The following INTS1 variants were observed in gnomAD, a reference collection of about 807,000 sequenced individuals.
INTS1 encodes integrator complex subunit 1.
Under a neutral mutation model 241.6 loss-of-function variants are expected in INTS1, and 137 were observed. The observed-to-expected ratio is 0.57, with a 90% confidence interval of 0.49 to 0.65. The LOEUF (loss-of-function observed/expected upper bound fraction) is 0.65, where lower values mean the gene tolerates loss of function less well. Among genes scored for constraint, INTS1 ranks in the 30% least tolerant of loss-of-function variants. The probability of loss-of-function intolerance (pLI) is 0.00; values close to 1 mark genes in which losing one functional copy is unlikely to be tolerated. For synonymous variants in INTS1, 1,692 were observed against 1,337.8 expected, an observed-to-expected ratio of 1.26 and a Z score of -5.78; for missense variants, 3,073 against 3,032.2, an observed-to-expected ratio of 1.01 and a Z score of -0.32.
chr7:1,496,837 C>T (rs1339970317), intron 11 of INTS1, among the ~76,000 whole-genome samples: 2 of 152,182 alleles, frequency 1.3e-5, no homozygotes, highest in Non-Finnish European at 2.9e-5. Flanking sequence ...CCAGGCAGCC[C>T]GCAGCCCCAC....
At position 1,486,880 on chromosome 7, in the gene INTS1, CGGGGTGAGAGGCGGGGGGGCTGA is replaced by C; in HGVS notation, c.2826+19_2826+41del. On this transcript the variant is annotated intron_variant, in intron 21 of 47. Coordinates refer to ENST00000404767, the MANE Select transcript of INTS1 (RefSeq NM_001080453.3). ...GGCATGGGTTGCCCTGACAGGGGTGCGGGGTGAGAGGCGGGGGGGCTGAGGGGTGGGCGGCCCTGACCTGCCGC... is the reference window on the plus strand; with the variant it reads ...GGCATGGGTTGCCCTGACAGGGGTGCGGGGTGGGCGGCCCTGACCTGCCGC... The C allele has an allele frequency of 1.0e-6, 1 of 964,230 alleles. No individual in the cohort carries two copies. The highest frequency in any genetic ancestry group is 1.4e-5 in the South Asian group (1 of 71,306). 59.7% of individuals were successfully genotyped at this position (964,230 alleles called of 1,614,324 possible).
intron 46 of INTS1, 83 bp downstream of exon 46, chr7:1,471,050 C>G (rs1781441986): frequency 6.6e-7 from 1 of 1,515,404 alleles, no homozygotes; most frequent in East Asian, 2.5e-5. Flanking sequence ...GAAGCCTGGT[C>G]TGGCCACCAG....
rs1782000954 is a variant in INTS1 at position 1,481,596 on chromosome 7, G to A, written c.3704-108C>T. The A allele has an allele frequency of 8.6e-7, 1 of 1,159,588 alleles. No individual in the cohort carries two copies. The highest frequency in any genetic ancestry group is 1.6e-5 in the African/African-American group (1 of 60,752). 71.8% of individuals were successfully genotyped at this position (1,159,588 alleles called of 1,614,324 possible). On this transcript the variant is annotated intron_variant, in intron 27 of 47. Transcript: ENST00000404767. The surrounding 1 kb of genome is among the most constrained non-coding windows in gnomAD (Gnocchi z 6.8). ...GTGTGCAGTGACCCCACCCACCTGA[G>A]ACCCTGGGCCACGTGGGCTCGGTGA...
At chr7:1,496,635 C>T (rs935160984) in intron 11 of INTS1, among the ~76,000 whole-genome samples, 1 of 152,132 alleles carries the variant, frequency 6.6e-6, no homozygotes, top group South Asian at 2.1e-4. Context: ...GGCCGGTGGC[C>T]CACAAGGTCC....
chr7:1,480,780 G>C, intron 29 of INTS1, 55 bp downstream of exon 29: 1 of 1,383,476 alleles, frequency 7.2e-7, no homozygotes, highest in African/African-American at 1.4e-5. Flanking sequence ...TCTCTGTGTT[G>C]GCCCCACCCC....
In INTS1 at chr7:1,471,852, G is replaced by A. The variant is rs1447328222; in HGVS notation, c.6185-211C>T. 3 of 599,350 alleles carry A rather than the reference G, an allele frequency of 5.0e-6. No individual in the cohort carries two copies. The African/African-American group carries it at 5.6e-5, about 11-fold the overall frequency. The allele number at this position is 599,350 out of a possible 1,614,324, so 37.1% of individuals were successfully genotyped here. A position where few individuals can be genotyped will look rare whatever the true frequency, so the allele number is the denominator to read the frequency against. On this transcript the variant is annotated intron_variant, in intron 44 of 47. Coordinates refer to ENST00000404767, the MANE Select transcript of INTS1 (RefSeq NM_001080453.3). ...CTACTAGTGGCCTCCAAGGAGAGGG[G>A]TTGACCCCTCACGGCAGCCCCATAT...
rs1171824517 is a variant in INTS1 at position 1,481,252 on chromosome 7, C to G, written c.3850+90G>C. ...CACACCCACCCGACCTCGGATCACC[C>G]ACCCGCTCGCACCCAGGCCCCAAAA... On this transcript the variant is annotated intron_variant, in intron 28 of 47. Transcript: ENST00000404767. This position sits in a 1 kb window ranked among gnomAD's most constrained non-coding sequence, Gnocchi z 6.8. 1 of 1,472,438 alleles carries G rather than the reference C, an allele frequency of 6.8e-7. No individual in the cohort carries two copies. The highest frequency in any genetic ancestry group is 1.2e-5 in the South Asian group (1 of 85,602). The allele number at this position is 1,472,438 out of a possible 1,614,324, so 91.2% of individuals were successfully genotyped here.
At chr7:1,471,779 C>T (rs1781477977) in intron 44 of INTS1, 138 bp from the exon 45 acceptor site, 1 of 751,684 alleles carries the variant, frequency 1.3e-6, no homozygotes, top group Admixed American at 2.4e-5. Flanking sequence ...CCAGTGACGC[C>T]CCAGGCAGTC....
chr7:1,484,821 C>T lies in INTS1; in HGVS notation c.3261+277G>A, dbSNP rs573907499. On this transcript the variant is annotated intron_variant, in intron 24 of 47. Transcript: ENST00000404767. ...CAGGTGGCCACGGGGTCATAGAAGCCCCAGCACAGCAGCCGTGACGGCCCT... is the reference window on the plus strand; with the variant it reads ...CAGGTGGCCACGGGGTCATAGAAGCTCCAGCACAGCAGCCGTGACGGCCCT... 7.9e-5 allele frequency among the ~76,000 whole-genome samples: 12 copies of T among 152,250 alleles called. No individual in the cohort carries two copies. The East Asian group carries it at 2.1e-3, about 27-fold the overall frequency.
chr7:1,478,527 T>C (rs767664108), intron 32 of INTS1, 21 bp from the exon 33 acceptor site: 10 of 1,604,586 alleles, frequency 6.2e-6, no homozygotes, highest in Non-Finnish European at 7.6e-6. Flanking sequence ...TCTGTGTGAG[T>C]GCCCTGTGGC....
At chr7:1,499,809 C>G (rs1359420983) in intron 5 of INTS1, 75 bp downstream of exon 5, 1 of 1,530,238 alleles carries the variant, frequency 6.5e-7, no homozygotes, top group Non-Finnish European at 8.8e-7. Flanking sequence ...AGAGAACACA[C>G]TTCTGCTTTT....
Position 1,493,611 on chromosome 7 carries a change from G to T in INTS1, c.2068+143C>A. 1 of 1,015,170 alleles carries T rather than the reference G, an allele frequency of 9.9e-7. No individual in the cohort carries two copies. Among genetic ancestry groups the T allele is most frequent in the Non-Finnish European group, 1.3e-6 (1 of 742,636 alleles). 62.9% of individuals were successfully genotyped at this position (1,015,170 alleles called of 1,614,324 possible). ...CCCAACGGCAGATGTGGAGAAGGCAGGTCCCCGAGCCTCCCGGGGACCCAG... is the reference window on the plus strand; with the variant it reads ...CCCAACGGCAGATGTGGAGAAGGCATGTCCCCGAGCCTCCCGGGGACCCAG... On this transcript the variant is annotated intron_variant, in intron 15 of 47. Transcript: ENST00000404767. This position sits in a 1 kb window ranked among gnomAD's most constrained non-coding sequence, Gnocchi z 5.3.
rs777252395 is a variant in INTS1 at position 1,496,151 on chromosome 7, C to T, written c.1711+5G>A. 1 of 1,612,722 alleles carries T rather than the reference C, an allele frequency of 6.2e-7. No individual in the cohort carries two copies. Among genetic ancestry groups the T allele is most frequent in the African/African-American group, 1.3e-5 (1 of 74,898 alleles). On this transcript the variant is annotated splice_donor_5th_base_variant and intron_variant, in intron 12 of 47. Coordinates refer to ENST00000404767, the MANE Select transcript of INTS1 (RefSeq NM_001080453.3). ...AGCAGGGCCAGGCCACCCCCACATC[C>T]TTACTCCTCTTTTCTCCTTTGTCCC...
Position 1,498,475 on chromosome 7 carries a change from C to A in INTS1, c.1362G>T (p.Arg454=), listed in dbSNP as rs771642040. The change falls in exon 10 of 48, where the codon CGG becomes CGT. Residue 454 remains arginine, a synonymous_variant. Transcript: ENST00000404767. ...LVIFNELSSA[R]NPNNMQVLYT... The stretch of plus-strand genomic sequence containing the variant: ...AGAGGACCTGCATGTTGTTCGGGTT[C>A]CGGGCGCTGGAGAGCTCATTGAAGA... 3 of 1,613,844 alleles carry A rather than the reference C, an allele frequency of 1.9e-6. No individual in the cohort carries two copies. Among genetic ancestry groups the A allele is most frequent in the Non-Finnish European group, 2.5e-6 (3 of 1,179,894 alleles).
chr7:1,474,594 A>G (rs1303011350), intron 40 of INTS1, 111 bp downstream of exon 40: 5 of 1,402,214 alleles, frequency 3.6e-6, no homozygotes, highest in African/African-American at 1.4e-5. Context: ...CCATGGGAAC[A>G]TGCTTTTTTT....
At position 1,503,932 on chromosome 7, in the gene INTS1, C is replaced by G; in HGVS notation, c.29G>C (p.Arg10Pro). MNRAKPTTV[R>P]RPSAAAKPSG... ...GGGTTTGGCCGCGGCGCTGGGCCGG[C>G]GCACCGTGGTGGGCTTGGCCCGGTT... Residue 10 changes from arginine to proline, a missense_variant, in exon 2 of 48, where the codon CGC (arginine) becomes CCC (proline). Coordinates refer to ENST00000404767, the MANE Select transcript of INTS1 (RefSeq NM_001080453.3). 6.4e-7 allele frequency: 1 copy of G among 1,570,736 alleles called. No homozygotes were observed. Among genetic ancestry groups the G allele is most frequent in the Non-Finnish European group, 8.6e-7 (1 of 1,158,998 alleles).
chr7:1,480,191 C>G (rs112925067), intron 30 of INTS1, 126 bp downstream of exon 30: 1 of 1,114,314 alleles, frequency 9.0e-7, no homozygotes, highest in Non-Finnish European at 1.2e-6. Flanking sequence ...GGCCGCTGTG[C>G]GTGTGCAGCG....
chr7:1,476,621 G>T lies in INTS1; in HGVS notation c.5100C>A (p.Ala1700=). ...GCCAGATGCGAGGAACATGGATGCA[G>T]GCCCAGAGGAAGTCCAGAGAGGCAG... ...DPSASLDFLW[A]CIHVPRIWQG... Residue 1700 remains alanine, a synonymous_variant, in exon 37 of 48, where the codon GCC becomes GCA. Coordinates refer to ENST00000404767, the MANE Select transcript of INTS1 (RefSeq NM_001080453.3). 6.2e-7 allele frequency: 1 copy of T among 1,612,700 alleles called. No individual in the cohort carries two copies. The highest frequency in any genetic ancestry group is 8.5e-7 in the Non-Finnish European group (1 of 1,179,886).
chr7:1,499,391 G>GCCTCCCACCCGCCCAT lies in INTS1; in HGVS notation c.845-47_845-32dup, dbSNP rs1363318322. ...AACCAAGGAGAGGGCTCCATGCAGCGCCTCCCACCCGCCCATCCTCCCACC... is the reference window on the plus strand; with the variant it reads ...AACCAAGGAGAGGGCTCCATGCAGCGCCTCCCACCCGCCCATCCTCCCACCCGCCCATCCTCCCACC... On this transcript the variant is annotated intron_variant, in intron 6 of 47. Transcript: ENST00000404767. 3.2e-6 allele frequency: 5 copies of GCCTCCCACCCGCCCAT among 1,551,068 alleles called. No homozygotes were observed. In the Admixed American group the frequency reaches 5.5e-5, roughly 17 times the overall value.
Sources: gnomAD v4.1 joint callset for allele counts (sites outside exome capture counted in the v4.1 genomes callset) on GRCh38, gnomAD v4.1.1 for gene constraint, Gnocchi (gnomAD v3.1) non-coding constraint, MANE v1.5 for transcripts, NCBI Gene and HGNC (gene_info 2026-07-23, HGNC 2026-07-21) for gene names.